MYOF: variants seen among roughly 807,000 people sequenced by gnomAD.
The protein encoded by MYOF is fer-1-like 3, myoferlin.
Under a neutral mutation model 284.2 loss-of-function variants are expected in MYOF, and 244 were observed. The observed-to-expected ratio is 0.86, with a 90% CI of 0.77 to 0.95. The LOEUF (loss-of-function observed/expected upper bound fraction) is 0.95. Ranked by LOEUF, MYOF falls within the 40% of genes least tolerant of loss-of-function variation. MYOF has a pLI of 0.00. For synonymous variants in MYOF, 904 were observed against 919.7 expected (o/e 0.98, Z 0.31); for missense variants, 2,496 against 2,560.6 (o/e 0.97, Z 0.54).
chr10:93,347,876 C>T (rs1844306669), intron 36 of MYOF, 94 bp from the exon 37 acceptor site: 5 of 1,274,058 alleles, frequency 3.9e-6, no homozygotes, highest in Non-Finnish European at 5.5e-6. Context: ...ATTCTCTCTG[C>T]CACACAGCCC....
chr10:93,379,862 C>A lies in MYOF; in HGVS notation c.2001+1G>T, dbSNP rs754333960. On this transcript the variant is annotated splice_donor_variant, in intron 21 of 53. Coordinates refer to ENST00000359263, the MANE Select transcript of MYOF (RefSeq NM_013451.4). LOFTEE classifies it high-confidence loss of function. ...GGAAATGCAGAAAAAGAGAAACTTA[C>A]CAGCCGTTCTGCCATAGCTAGGAGA... 1.2e-6 allele frequency: 2 copies of A among 1,613,322 alleles called. No individual in the cohort carries two copies. The highest frequency in any genetic ancestry group is 1.7e-6 in the Non-Finnish European group (2 of 1,179,502).
At chr10:93,372,788 A>C (rs1845649072) in intron 24 of MYOF, 142 bp downstream of exon 24, 1 of 969,012 alleles carries the variant, frequency 1.0e-6, no homozygotes, top group Non-Finnish European at 1.5e-6. Context: ...TTATTGCCCC[A>C]GAGAGAGGGA....
intron 5 of MYOF, among the ~76,000 whole-genome samples, chr10:93,420,703 A>G (rs1010566511): frequency 6.6e-6 from 1 of 152,180 alleles, no homozygotes; most frequent in Non-Finnish European, 1.5e-5. Flanking sequence ...TCAATAGCAG[A>G]AGTTGCTGGC....
intron 50 of MYOF, among the ~76,000 whole-genome samples, chr10:93,314,005 C>T (rs1589373067): frequency 6.6e-6 from 1 of 152,198 alleles, no homozygotes. Context: ...AGGAACATGA[C>T]TCAACAGAAA....
chr10:93,370,167 G>A (rs1845519919), intron 24 of MYOF, among the ~76,000 whole-genome samples: 1 of 152,100 alleles, frequency 6.6e-6, no homozygotes, highest in Non-Finnish European at 1.5e-5. Context: ...ACTGGACCTA[G>A]TAGTAACAGT....
At chr10:93,323,670 A>T (rs1842928489) in intron 46 of MYOF, 5 of 340,198 alleles carry the variant, frequency 1.5e-5, no homozygotes, top group Non-Finnish European at 2.7e-5. Flanking sequence ...ACCCCAACAT[A>T]CACATCCCAC....
At chr10:93,369,868 C>T in intron 24 of MYOF, 92 bp from the exon 25 acceptor site, 1 of 1,479,856 alleles carries the variant, frequency 6.8e-7, no homozygotes, top group South Asian at 1.2e-5. Flanking sequence ...AACATCTAAT[C>T]ATTGCTTTCA....
intron 20 of MYOF, 53 bp downstream of exon 20, chr10:93,381,166 C>G: frequency 1.3e-6 from 2 of 1,581,100 alleles, no homozygotes; most frequent in Middle Eastern, 3.7e-4. Context: ...GCTTCCGGTC[C>G]CGTGGTGCAC....
At chr10:93,436,707 T>A (rs1235993916) in intron 3 of MYOF, among the ~76,000 whole-genome samples, 1 of 152,318 alleles carries the variant, frequency 6.6e-6, no homozygotes, top group South Asian at 2.1e-4. Flanking sequence ...GTTGCCTGGA[T>A]ACAAAATACT....
chr10:93,327,710 C>A (rs1446886731), intron 45 of MYOF, among the ~76,000 whole-genome samples: 1 of 152,034 alleles, frequency 6.6e-6, no homozygotes, highest in Non-Finnish European at 1.5e-5. Context: ...ATCTAATCAT[C>A]CCTGATACCA....
intron 20 of MYOF, 97 bp from the exon 21 acceptor site, chr10:93,380,084 C>T: frequency 1.4e-6 from 2 of 1,469,966 alleles, no homozygotes; most frequent in South Asian, 2.6e-5. Flanking sequence ...GATTAATCCA[C>T]AGGCTTGGGG....
intron 3 of MYOF, among the ~76,000 whole-genome samples, chr10:93,433,119 C>T (rs1848946495): frequency 6.6e-6 from 1 of 152,066 alleles, no homozygotes; most frequent in South Asian, 2.1e-4. Flanking sequence ...AGTATGTATC[C>T]CGAAAACGGA....
chr10:93,470,266 G>GAAAA (rs1165341505), intron 1 of MYOF, among the ~76,000 whole-genome samples: 4 of 150,090 alleles, frequency 2.7e-5, no homozygotes, highest in Non-Finnish European at 5.9e-5. Context: ...AAGAAAGAAA[G>GAAAA]AAAATAAAGG....
chr10:93,415,841 A>G (rs1475380815), intron 5 of MYOF, among the ~76,000 whole-genome samples: 1 of 152,182 alleles, frequency 6.6e-6, no homozygotes, highest in Non-Finnish European at 1.5e-5. Context: ...ACACGCTGAA[A>G]TATCACCCAG....
rs35527060 is a variant in MYOF, at chr10:93,323,137, G to A, written c.5397C>T (p.Asp1799=). Residue 1799 remains aspartate (D), a synonymous_variant, in exon 48 of 54, where the codon GAC becomes GAT. Coordinates refer to ENST00000359263, the MANE Select transcript of MYOF (RefSeq NM_013451.4). ...YLRVIIWNTK[D]VILDEKSITG... is the part of the protein sequence containing the mutation. ...TGATGCTTTTCTCGTCCAAGATAAC[G>A]TCCTTGGTGTTCCAGATGATCACAC... is the stretch of plus-strand genomic sequence containing the variant. 0.054 allele frequency: 86,278 copies of A among 1,610,416 alleles called. 2,803 individuals are homozygous for A. The highest frequency in any genetic ancestry group is 0.088 in the Middle Eastern group (535 of 6,054).
rs114106078 is a variant in MYOF at position 93,423,862 on chromosome 10, A to G, written c.433+2209T>C. On this transcript the variant is annotated intron_variant, in intron 5 of 53. Coordinates refer to ENST00000359263, the MANE Select transcript of MYOF (RefSeq NM_013451.4). ...AAAAAAAAACAAACCAAAAAATCAA[A>G]AACAGACACATAGAGAGGAAGATCC... 9.7e-3 allele frequency among the ~76,000 whole-genome samples: 1,469 copies of G among 151,986 alleles called. 24 individuals are homozygous for G. Among genetic ancestry groups the G allele is most frequent in the African/African-American group, 0.034 (1,390 of 41,468 alleles).
intron 27 of MYOF, among the ~76,000 whole-genome samples, chr10:93,362,001 T>C (rs1020837432): frequency 1.3e-5 from 2 of 152,268 alleles, no homozygotes; most frequent in African/African-American, 2.4e-5. Context: ...CAGGCTGGAG[T>C]GCAGTGGCGT....
chr10:93,310,722 C>G, intron 51 of MYOF, 79 bp from the exon 52 acceptor site: 1 of 1,298,098 alleles, frequency 7.7e-7, no homozygotes, highest in East Asian at 2.4e-5. Flanking sequence ...GAGTATTCCC[C>G]GAGCAATGAT....
Position 93,381,415 on chromosome 10 carries a change from C to A in MYOF, c.1699-19G>T. 6.2e-7 allele frequency: 1 copy of A among 1,612,622 alleles called. No homozygotes were observed. Among genetic ancestry groups the A allele is most frequent in the Non-Finnish European group, 8.5e-7 (1 of 1,179,012 alleles). On this transcript the variant is annotated intron_variant, in intron 19 of 53. Transcript: ENST00000359263. The stretch of plus-strand genomic sequence containing the variant: ...GGTATTTCTATAAAGTATGAGCAGA[C>A]ATAAGGTTCAGTGAAAGGCCATTTG...
Sources: gnomAD v4.1 joint callset for allele counts (sites outside exome capture counted in the v4.1 genomes callset) on GRCh38, gnomAD v4.1.1 for gene constraint, MANE v1.5 for transcripts, NCBI Gene and HGNC (gene_info 2026-07-23, HGNC 2026-07-21) for gene names.